The following SLC36A2 variants were observed in gnomAD, a reference collection of about 807,000 sequenced individuals.
SLC36A2 encodes the protein solute carrier family 36 member 2.
A neutral mutation model predicts 42.7 loss-of-function variants in SLC36A2; 39 were observed. The ratio of observed to expected loss-of-function variants is 0.91; its 90% CI spans 0.71 to 1.19. The LOEUF is 1.19. Among genes scored for constraint, SLC36A2 ranks in the 50% most tolerant of loss-of-function variants. The pLI, the probability that SLC36A2 is intolerant of heterozygous loss-of-function variation, is 0.00. For synonymous variants in SLC36A2, 237 were observed against 240.8 expected, an observed-to-expected ratio of 0.98 and a Z score of 0.15; for missense variants, 590 against 613.7, an observed-to-expected ratio of 0.96 and a Z score of 0.41.
intron 7 of SLC36A2, among the ~76,000 whole-genome samples, chr5:151,327,361 A>G (rs1312577678): frequency 1.3e-5 from 2 of 152,198 alleles, no homozygotes; most frequent in Non-Finnish European, 2.9e-5. Context: ...CCAAAGTCCA[A>G]GTACCTGCTT....
At position 151,344,165 on chromosome 5, in the gene SLC36A2, C is replaced by A. The variant is rs371629368; in HGVS notation, c.255+12G>T. The A allele has an allele frequency of 3.1e-6, 5 of 1,612,472 alleles. No individual in the cohort carries two copies. The African/African-American group carries it at 5.3e-5, about 17-fold the overall frequency. On this transcript the variant is annotated intron_variant, in intron 2 of 9. Transcript: ENST00000335244. ...CTGACCATAAAGCCCCCACATGTGG[C>A]GCCTCTCTTACCAGGATGCCCGCGT...
chr5:151,336,252 AT>A (rs1463097847), intron 5 of SLC36A2, among the ~76,000 whole-genome samples: 1 of 152,140 alleles, frequency 6.6e-6, no homozygotes, highest in East Asian at 1.9e-4. Flanking sequence ...TCTTCCAGGA[AT>A]CTGAATGTAA....
chr5:151,344,141 T>C lies in SLC36A2; in HGVS notation c.255+36A>G, dbSNP rs370405753. 7 of 1,595,152 alleles carry C rather than the reference T, an allele frequency of 4.4e-6. No homozygotes were observed. In the African/African-American group the frequency reaches 9.4e-5, roughly 21 times the overall value. On this transcript the variant is annotated intron_variant, in intron 2 of 9. Coordinates refer to ENST00000335244, the MANE Select transcript of SLC36A2 (RefSeq NM_181776.3). The stretch of plus-strand genomic sequence containing the variant: ...TCTCCTCTTACTTCCCTTCTGCAAC[T>C]GACCATAAAGCCCCCACATGTGGCG...
Position 151,314,995 on chromosome 5 carries a change from T to C in SLC36A2, c.*1822A>G, listed in dbSNP as rs1755455337. The C allele has an allele frequency of 6.6e-6, 1 of 152,652 alleles. No individual in the cohort carries two copies. The highest frequency in any genetic ancestry group is 1.5e-5 in the Non-Finnish European group (1 of 68,044). The allele number at this position is 152,652 out of a possible 1,614,324, so 9.5% of individuals were successfully genotyped here. A position where few individuals can be genotyped will look rare whatever the true frequency, so the allele number is the denominator to read the frequency against. On this transcript the variant is annotated 3_prime_UTR_variant, in exon 10 of 10. Transcript: ENST00000335244. ...TCTTTATGTATTAAAATTACAAACA[T>C]CTTTATTATTTATCACAGTTCTGTG...
intron 7 of SLC36A2, among the ~76,000 whole-genome samples, chr5:151,330,163 A>T (rs1010733996): frequency 2.6e-5 from 4 of 152,254 alleles, no homozygotes; most frequent in Non-Finnish European, 5.9e-5. Flanking sequence ...TTTGAAAAAA[A>T]TAATGGCTGA....
Position 151,317,099 on chromosome 5 carries a change from A to G in SLC36A2, c.1181-11T>C. 6.2e-7 allele frequency: 1 copy of G among 1,613,586 alleles called. No individual in the cohort carries two copies. Among genetic ancestry groups the G allele is most frequent in the Non-Finnish European group, 8.5e-7 (1 of 1,179,818 alleles). On this transcript the variant is annotated splice_polypyrimidine_tract_variant and intron_variant, in intron 9 of 9. Transcript: ENST00000335244. ...GGATGGCCAGGAGGCCTGCAGGGAGAGGATAGTGGAGAGATGGAGCATTCC... is the reference window on the plus strand; with the variant it reads ...GGATGGCCAGGAGGCCTGCAGGGAGGGGATAGTGGAGAGATGGAGCATTCC...
intron 9 of SLC36A2, among the ~76,000 whole-genome samples, chr5:151,321,007 A>G (rs957881488): frequency 2.6e-5 from 4 of 152,142 alleles, no homozygotes; most frequent in African/African-American, 9.7e-5. Flanking sequence ...TCTCTTTCAT[A>G]AAGTAGGGTT....
intron 8 of SLC36A2, among the ~76,000 whole-genome samples, chr5:151,324,970 C>G (rs79269968): frequency 0.079 from 12,058 of 152,256 alleles, 792 homozygotes; most frequent in African/African-American, 0.19. Flanking sequence ...CGACTCCTCT[C>G]TCTGTCTCTT....
At chr5:151,318,528 T>G (rs962133044) in intron 9 of SLC36A2, among the ~76,000 whole-genome samples, 2 of 126,798 alleles carry the variant, frequency 1.6e-5, no homozygotes, top group Non-Finnish European at 3.2e-5. Flanking sequence ...AAAAATATAA[T>G]AATTATTTAT....
intron 9 of SLC36A2, chr5:151,319,112 A>G (rs1011580230): frequency 3.7e-5 from 36 of 964,594 alleles, no homozygotes; most frequent in Non-Finnish European, 4.2e-5. Context: ...ATTGTGATTC[A>G]TTCTGCATAG....
intron 7 of SLC36A2, among the ~76,000 whole-genome samples, chr5:151,326,205 C>G (rs1755846923): frequency 6.6e-6 from 1 of 152,206 alleles, no homozygotes; most frequent in African/African-American, 2.4e-5. Flanking sequence ...TCTGGGGCAG[C>G]TAGATCTGGC....
intron 7 of SLC36A2, among the ~76,000 whole-genome samples, chr5:151,328,986 T>C (rs1028536837): frequency 6.6e-5 from 10 of 152,198 alleles, no homozygotes; most frequent in African/African-American, 2.4e-4. Context: ...AAAGCCTAGA[T>C]TTCTAGCCAG....
intron 7 of SLC36A2, among the ~76,000 whole-genome samples, chr5:151,326,825 T>TTTTC (rs4035799): frequency 6.6e-6 from 1 of 151,410 alleles, no homozygotes; most frequent in Non-Finnish European, 1.5e-5. Flanking sequence ...TTTTTTTTTT[T>TTTTC]CTTTTTTGGA....
chr5:151,320,323 G>A (rs1421389708), intron 9 of SLC36A2, among the ~76,000 whole-genome samples: 3 of 151,280 alleles, frequency 2.0e-5, no homozygotes, highest in Non-Finnish European at 4.4e-5. Context: ...TTACTAGATG[G>A]TAGAATTCAA....
chr5:151,322,961 C>T (rs1755738326), intron 8 of SLC36A2, among the ~76,000 whole-genome samples: 1 of 152,144 alleles, frequency 6.6e-6, no homozygotes, highest in Admixed American at 6.5e-5. Flanking sequence ...TGATGCTGGG[C>T]ACAGTGGCTC....
intron 1 of SLC36A2, 26 bp downstream of exon 1, chr5:151,347,271 T>C (rs755677037): frequency 2.4e-5 from 39 of 1,613,684 alleles, no homozygotes; most frequent in Non-Finnish European, 2.8e-5. Context: ...AAAGCAGAAA[T>C]AGGGATGGCA....
Position 151,316,577 on chromosome 5 carries a change from C to T in SLC36A2, c.*240G>A. On this transcript the variant is annotated 3_prime_UTR_variant, in exon 10 of 10. Transcript: ENST00000335244. ...CCAACATGGAGAAACCCCGTCTCTA[C>T]TAAAAATACAAAATTAGCCAGGCGT... 1 of 470,272 alleles carries T rather than the reference C, an allele frequency of 2.1e-6. No individual in the cohort carries two copies. Among genetic ancestry groups the T allele is most frequent in the South Asian group, 2.2e-5 (1 of 44,594 alleles). The allele number at this position is 470,272 out of a possible 1,614,324, so 29.1% of individuals were successfully genotyped here.
rs758471079 is a variant in SLC36A2, at chr5:151,339,124, AG to A, written c.460del (p.Ile155LeufsTer19). The A allele has an allele frequency of 6.8e-6, 11 of 1,609,002 alleles. No homozygotes were observed. In the Admixed American group the frequency reaches 1.7e-4, roughly 24 times the overall value. ...HWGRHIVSFF[L>X]IITQLGFCCV... is the part of the protein sequence containing the mutation. ...GCAGAAGCCAAGTTGGGTGATAATA[AG>A]GAAGAAGCTCACGATATGCCTAGAA... is the stretch of plus-strand genomic sequence containing the variant. On this transcript the variant is annotated frameshift_variant, in exon 5 of 10. Transcript: ENST00000335244. LOFTEE classifies it high-confidence loss of function.
intron 7 of SLC36A2, among the ~76,000 whole-genome samples, chr5:151,330,394 T>C (rs1755964741): frequency 1.3e-5 from 2 of 152,096 alleles, no homozygotes; most frequent in African/African-American, 4.8e-5. Flanking sequence ...AGAAAGGAAG[T>C]CATATTTTCA....
Sources: gnomAD v4.1 joint callset for allele counts (sites outside exome capture counted in the v4.1 genomes callset) on GRCh38, gnomAD v4.1.1 for gene constraint, MANE v1.5 for transcripts, NCBI Gene and HGNC (gene_info 2026-07-23, HGNC 2026-07-21) for gene names.